Variants in EEPD1 observed in about 807,000 individuals in gnomAD.
EEPD1 encodes the protein endonuclease/exonuclease/phosphatase family domain-containing protein 1.
In EEPD1, 17 loss-of-function variants were observed where a neutral mutation model predicts 46.3. That is an observed-to-expected ratio of 0.37 (90% confidence interval 0.25 to 0.55). The LOEUF (loss-of-function observed/expected upper bound fraction) is 0.55. Among genes scored for constraint, EEPD1 ranks in the 20% least tolerant of loss-of-function variants. The pLI is 0.83. For synonymous variants in EEPD1, 313 were observed against 315.6 expected (o/e 0.99, Z 0.09); for missense variants, 673 against 745.6 (o/e 0.90, Z 1.13).
chr7:36,241,460 G>A (rs1011217832), intron 3 of EEPD1, among the ~76,000 whole-genome samples: 2 of 151,700 alleles, frequency 1.3e-5, no homozygotes, highest in South Asian at 2.1e-4. Flanking sequence ...GCAGCAGAGC[G>A]AGACTCTGTC....
chr7:36,224,371 C>T (rs1015715138), intron 2 of EEPD1, among the ~76,000 whole-genome samples: 1 of 152,066 alleles, frequency 6.6e-6, no homozygotes, highest in African/African-American at 2.4e-5. Context: ...GGATAGAAAA[C>T]GGGCCGACAG....
intron 2 of EEPD1, among the ~76,000 whole-genome samples, chr7:36,190,738 C>T (rs1242030788): frequency 6.6e-6 from 1 of 152,206 alleles, no homozygotes; most frequent in Non-Finnish European, 1.5e-5. Flanking sequence ...AATCCAGGTA[C>T]AGCTATAAAA....
chr7:36,279,841 G>A (rs1485544582), intron 3 of EEPD1, among the ~76,000 whole-genome samples: 2 of 152,238 alleles, frequency 1.3e-5, no homozygotes, highest in Non-Finnish European at 2.9e-5. Flanking sequence ...TTTGAGGACC[G>A]CAGAGAGGTG....
chr7:36,163,530 C>T (rs1784933063), intron 2 of EEPD1, among the ~76,000 whole-genome samples: 1 of 152,128 alleles, frequency 6.6e-6, no homozygotes, highest in Non-Finnish European at 1.5e-5. Flanking sequence ...GAGGGTGGAA[C>T]TTGGTTTATA....
intron 2 of EEPD1, among the ~76,000 whole-genome samples, chr7:36,224,050 G>A (rs1176107689): frequency 6.6e-6 from 1 of 152,292 alleles, no homozygotes; most frequent in East Asian, 1.9e-4. Flanking sequence ...TTTATCTCCT[G>A]CAGTTAAGCC....
At chr7:36,290,850 A>G (rs1787418317) in intron 6 of EEPD1, among the ~76,000 whole-genome samples, 1 of 152,202 alleles carries the variant, frequency 6.6e-6, no homozygotes, top group African/African-American at 2.4e-5. Flanking sequence ...GCTGGGAATC[A>G]AGGGAGCGAC....
chr7:36,240,035 G>A (rs567367872), intron 3 of EEPD1, among the ~76,000 whole-genome samples: 1 of 152,304 alleles, frequency 6.6e-6, no homozygotes, highest in Non-Finnish European at 1.5e-5. Context: ...AGCACTTTGG[G>A]AGACTGGAGG....
intron 2 of EEPD1, among the ~76,000 whole-genome samples, chr7:36,208,315 C>T (rs1785860942): frequency 6.6e-6 from 1 of 152,164 alleles, no homozygotes. Flanking sequence ...ATCCTGTATT[C>T]CCCCTCCCTC....
chr7:36,213,586 A>T lies in EEPD1; in HGVS notation c.879-25399A>T, dbSNP rs188513688. ...GCATAGAGGAGGTCGGAAAGAGCAC[A>T]GAAGACAGGTCCTTGAGTTCACCAA... On this transcript the variant is annotated intron_variant, in intron 2 of 7. Transcript: ENST00000242108. Among the ~76,000 whole-genome samples, 17 of 152,314 alleles carry T rather than the reference A, an allele frequency of 1.1e-4. No homozygotes were observed. In the East Asian group the frequency reaches 2.7e-3, roughly 24 times the overall value.
intron 3 of EEPD1, among the ~76,000 whole-genome samples, chr7:36,261,663 T>G (rs1466350206): frequency 6.6e-6 from 1 of 152,254 alleles, no homozygotes; most frequent in East Asian, 1.9e-4. Context: ...GAACATGACT[T>G]TGTATTCAGC....
chr7:36,165,713 A>C (rs993735945), intron 2 of EEPD1, among the ~76,000 whole-genome samples: 1 of 151,988 alleles, frequency 6.6e-6, no homozygotes, highest in South Asian at 2.1e-4. Context: ...CTGGGATTAC[A>C]GGCGTGAGCC....
rs986832056 is a variant in EEPD1 at position 36,245,357 on chromosome 7, G to C, written c.930+6321G>C. On this transcript the variant is annotated intron_variant, in intron 3 of 7. Coordinates refer to ENST00000242108, the MANE Select transcript of EEPD1 (RefSeq NM_030636.3). ...TGCTCCAGTGGTCCTTACTGTGTTT[G>C]GGGGCTTTCCTGTTTCACCTGCCCT... Among the ~76,000 whole-genome samples the C allele has an allele frequency of 1.1e-4, 16 of 152,270 alleles. 1 individual carries two copies. The highest frequency in any genetic ancestry group is 1.0e-3 in the South Asian group (5 of 4,822).
intron 2 of EEPD1, among the ~76,000 whole-genome samples, chr7:36,183,888 T>TTTTTTTTTTTTTTTTTTTTTTTTG (rs3053348): frequency 9.6e-5 from 13 of 135,398 alleles, no homozygotes; most frequent in Admixed American, 1.5e-4. Context: ...TTTTTTTTTT[T>TTTTTTTTTTTTTTTTTTTTTTTTG]ATTTTTAAAA....
intron 2 of EEPD1, among the ~76,000 whole-genome samples, chr7:36,184,154 A>G (rs193213948): frequency 6.6e-6 from 1 of 152,138 alleles, no homozygotes; most frequent in African/African-American, 2.4e-5. Flanking sequence ...ACAGCTGATA[A>G]ATAGATGAAG....
At chr7:36,267,879 A>G (rs998719761) in intron 3 of EEPD1, among the ~76,000 whole-genome samples, 4 of 152,142 alleles carry the variant, frequency 2.6e-5, no homozygotes, top group Non-Finnish European at 2.9e-5. Flanking sequence ...CAATGAGATT[A>G]GTACCCTTAT....
intron 3 of EEPD1, among the ~76,000 whole-genome samples, chr7:36,253,123 T>C (rs1786776665): frequency 6.6e-6 from 1 of 152,110 alleles, no homozygotes; most frequent in Non-Finnish European, 1.5e-5. Context: ...CTCTAAACAC[T>C]GCTTTAGCTA....
chr7:36,227,426 C>T (rs1262424298), intron 2 of EEPD1, among the ~76,000 whole-genome samples: 1 of 152,190 alleles, frequency 6.6e-6, no homozygotes, highest in East Asian at 1.9e-4. Context: ...GCAACGCTGT[C>T]AAGGACATAT....
Position 36,193,801 on chromosome 7 carries a change from C to T in EEPD1, c.878+38599C>T, listed in dbSNP as rs2115683937. Among the ~76,000 whole-genome samples the T allele has an allele frequency of 6.6e-6, 1 of 152,208 alleles. No homozygotes were observed. Among genetic ancestry groups the T allele is most frequent in the Non-Finnish European group, 1.5e-5 (1 of 68,028 alleles). Reference sequence around the variant, plus strand: ...CAGCGGCAGAGCGGCCACACCCATCCTGGTGCCCTCTCTTTATGGCTGCCA... The same window carrying T: ...CAGCGGCAGAGCGGCCACACCCATCTTGGTGCCCTCTCTTTATGGCTGCCA... On this transcript the variant is annotated intron_variant, in intron 2 of 7. Coordinates refer to ENST00000242108, the MANE Select transcript of EEPD1 (RefSeq NM_030636.3). This position sits in a 1 kb window ranked among gnomAD's most constrained non-coding sequence, Gnocchi z 4.9.
chr7:36,293,257 T>C (rs546663197), intron 6 of EEPD1, among the ~76,000 whole-genome samples: 28 of 152,316 alleles, frequency 1.8e-4, no homozygotes, highest in African/African-American at 6.3e-4. Flanking sequence ...CTTCAATCAA[T>C]GGAGAAACAT....
Sources: gnomAD v4.1 joint callset for allele counts (sites outside exome capture counted in the v4.1 genomes callset) on GRCh38, gnomAD v4.1.1 for gene constraint, Gnocchi (gnomAD v3.1) non-coding constraint, MANE v1.5 for transcripts, NCBI Gene and HGNC (gene_info 2026-07-23, HGNC 2026-07-21) for gene names.